Variants in RGS8 observed in about 807,000 individuals in gnomAD.
RGS8 encodes regulator of G-protein signaling 8.
In RGS8, 8 loss-of-function variants were observed where a neutral mutation model predicts 21.7. The observed-to-expected ratio is 0.37, with a 90% CI of 0.22 to 0.66. RGS8 has a LOEUF of 0.66. Among genes scored for constraint, RGS8 ranks in the 30% least tolerant of loss-of-function variants. The pLI, the probability that RGS8 is intolerant of heterozygous loss-of-function variation, is 0.59. For synonymous variants in RGS8, 80 were observed against 83.6 expected, an observed-to-expected ratio of 0.96 and a Z score of 0.24; for missense variants, 157 against 217.9, an observed-to-expected ratio of 0.72 and a Z score of 1.76.
rs911919959 is a variant in RGS8, at chr1:182,684,065, G to A, written n.221+291C>T. 5.3e-5 allele frequency among the ~76,000 whole-genome samples: 8 copies of A among 152,222 alleles called. No individual in the cohort carries two copies. The highest frequency in any genetic ancestry group is 1.2e-4 in the Non-Finnish European group (8 of 68,036). On this transcript the variant is annotated intron_variant and non_coding_transcript_variant, in intron 1 of 4. Coordinates refer to the RGS8 transcript ENST00000515211. The surrounding 1 kb of genome is among the most constrained non-coding windows in gnomAD (Gnocchi z 4.2). ...CCTTTGAGGAGAAAGCAGGTGTTAG[G>A]GGACCTGAGGAGTTAGGGTTGAGGA... is the stretch of plus-strand genomic sequence containing the variant.
At chr1:182,675,198 A>G (rs1365839778), upstream of RGS8, among the ~76,000 whole-genome samples, 1 of 152,180 alleles carries the variant, frequency 6.6e-6, no homozygotes, top group African/African-American at 2.4e-5. Context: ...CAAGTCCCAC[A>G]AGGGACCCTA....
rs766518873 is a variant in RGS8 at position 182,648,129 on chromosome 1, C to T, written c.360+8G>A. The T allele has an allele frequency of 1.3e-6, 2 of 1,592,610 alleles. No individual in the cohort carries two copies. The highest frequency in any genetic ancestry group is 4.5e-5 in the East Asian group (2 of 44,392). On this transcript the variant is annotated splice_region_variant and intron_variant, in intron 6 of 6. Coordinates refer to ENST00000483095, the Ensembl canonical transcript of RGS8. ...GGATAGACAGGATGGTCGCCGCTGC[C>T]AACACACCTCCCGTGGAGCCTGCAC...
In RGS8 at chr1:182,652,403, G is replaced by T. The variant is rs183439001; in HGVS notation, c.194-4100C>A. On this transcript the variant is annotated intron_variant, in intron 5 of 6. Coordinates refer to ENST00000483095, the Ensembl canonical transcript of RGS8. ...TTTCAGCTCTGTTGGGTCTTTGTGC[G>T]GATGAGTAGAGATAACTTCTGCAAA... 3.8e-4 allele frequency among the ~76,000 whole-genome samples: 58 copies of T among 152,270 alleles called. 1 individual carries two copies. The East Asian group carries it at 0.011, about 28-fold the overall frequency.
At chr1:182,712,168 T>C in the RGS8 span, among the ~76,000 whole-genome samples, 4 of 152,226 alleles carry the variant, frequency 2.6e-5, no homozygotes, top group East Asian at 3.8e-4. Context: ...AACACACTCA[T>C]TGCCTCTTGA....
chr1:182,689,673 A>T, the RGS8 span, among the ~76,000 whole-genome samples: 2 of 152,188 alleles, frequency 1.3e-5, no homozygotes, highest in Non-Finnish European at 2.9e-5. Flanking sequence ...AGAAAATAGG[A>T]TGGATGAATG....
exon 6 of RGS8, chr1:182,648,251 G>A (rs771248461): frequency 6.2e-7 from 1 of 1,613,708 alleles, no homozygotes; most frequent in Non-Finnish European, 8.5e-7. Context: ...AGAATTCCAG[G>A]TTCTCCTCAC....
chr1:182,654,688 G>A (rs1663180828), intron 5 of RGS8, among the ~76,000 whole-genome samples: 1 of 151,988 alleles, frequency 6.6e-6, no homozygotes, highest in South Asian at 2.1e-4. Flanking sequence ...CAGCGACCTT[G>A]GAAAAGTAAA....
the RGS8 span, among the ~76,000 whole-genome samples, chr1:182,724,868 T>G: frequency 6.6e-6 from 1 of 152,152 alleles, no homozygotes; most frequent in Non-Finnish European, 1.5e-5. Context: ...TAGGCTAAAC[T>G]TAATTTAACA....
chr1:182,745,718 G>A, the RGS8 span, among the ~76,000 whole-genome samples: 1 of 152,088 alleles, frequency 6.6e-6, no homozygotes, highest in African/African-American at 2.4e-5. Flanking sequence ...GTTAAACCAC[G>A]AACTAAGTTC....
At chr1:182,721,245 T>C in the RGS8 span, among the ~76,000 whole-genome samples, 1 of 151,948 alleles carries the variant, frequency 6.6e-6, no homozygotes, top group Non-Finnish European at 1.5e-5. Flanking sequence ...TCCCAGGTTC[T>C]AGAAATTGGG....
intron 5 of RGS8, among the ~76,000 whole-genome samples, chr1:182,665,291 C>T (rs1439768599): frequency 6.6e-6 from 1 of 152,108 alleles, no homozygotes; most frequent in East Asian, 1.9e-4. Flanking sequence ...TGAGAAAAAG[C>T]AAGAGATGAA....
chr1:182,654,722 C>G (rs1287978), intron 5 of RGS8, among the ~76,000 whole-genome samples: 1 of 152,034 alleles, frequency 6.6e-6, no homozygotes, highest in African/African-American at 2.4e-5. Flanking sequence ...AAAAAAAAAC[C>G]GTCATACAAT....
downstream of RGS8, chr1:182,645,079 G>C (rs1662643078): frequency 6.6e-6 from 1 of 152,132 alleles, no homozygotes; most frequent in Non-Finnish European, 1.5e-5. Flanking sequence ...AGCTAAAAAA[G>C]GAAGAGATTC....
At chr1:182,683,084 G>T (rs1019158258) in intron 1 of RGS8, among the ~76,000 whole-genome samples, 6 of 152,198 alleles carry the variant, frequency 3.9e-5, no homozygotes, top group African/African-American at 1.4e-4. Flanking sequence ...ACCCAAGGGA[G>T]GCTTACCTTG....
upstream of RGS8, among the ~76,000 whole-genome samples, chr1:182,675,758 C>T (rs758851944): frequency 6.6e-5 from 10 of 152,172 alleles, no homozygotes; most frequent in Non-Finnish European, 1.5e-4. Context: ...GAACCCCCTC[C>T]ATCCCAATAG....
chr1:182,741,129 G>C, the RGS8 span, among the ~76,000 whole-genome samples: 111 of 151,418 alleles, frequency 7.3e-4, 3 homozygotes, highest in African/African-American at 2.6e-3. Context: ...CAGTAGGCGC[G>C]GCCGGGCAGA....
the RGS8 span, among the ~76,000 whole-genome samples, chr1:182,733,359 G>A: frequency 6.6e-6 from 1 of 152,238 alleles, no homozygotes; most frequent in Non-Finnish European, 1.5e-5. Context: ...TAGAGATTAT[G>A]ATGCTACATT....
At chr1:182,653,018 C>A (rs918923000) in intron 5 of RGS8, among the ~76,000 whole-genome samples, 2 of 152,160 alleles carry the variant, frequency 1.3e-5, no homozygotes, top group African/African-American at 4.8e-5. Context: ...AATGACTAGA[C>A]CTGCTTATAG....
chr1:182,684,495 C>G lies in RGS8; in HGVS notation n.82G>C, dbSNP rs901093952. On this transcript the variant is annotated non_coding_transcript_exon_variant, in exon 1 of 5. Coordinates refer to the RGS8 transcript ENST00000515211. This position sits in a 1 kb window ranked among gnomAD's most constrained non-coding sequence, Gnocchi z 4.2. ...GGTGGCAGAGGGCAGCCCACTTCAC[C>G]CAGCGCCCCTAGAATAGCGGCTGCA... is the stretch of plus-strand genomic sequence containing the variant. 1 of 152,422 alleles carries G rather than the reference C, an allele frequency of 6.6e-6. No homozygotes were observed. The highest frequency in any genetic ancestry group is 6.6e-5 in the Admixed American group (1 of 15,266). 9.4% of individuals were successfully genotyped at this position (152,422 alleles called of 1,614,324 possible).
Sources: gnomAD v4.1 joint callset for allele counts (sites outside exome capture counted in the v4.1 genomes callset) on GRCh38, gnomAD v4.1.1 for gene constraint, Gnocchi (gnomAD v3.1) non-coding constraint, MANE v1.5 for transcripts, NCBI Gene and HGNC (gene_info 2026-07-23, HGNC 2026-07-21) for gene names.